QTGAL: variants seen among roughly 807,000 people sequenced by gnomAD.
The protein encoded by QTGAL is queuosine-tRNA galactosyltransferase.
the QTGAL span, among the ~76,000 whole-genome samples, chr17:82,987,051 C>A: frequency 6.6e-6 from 1 of 152,176 alleles, no homozygotes; most frequent in African/African-American, 2.4e-5. Flanking sequence ...ATGTTGAAAT[C>A]CTGAAAGATC....
chr17:83,008,176 G>A, the QTGAL span, among the ~76,000 whole-genome samples: 2 of 151,524 alleles, frequency 1.3e-5, no homozygotes, highest in Non-Finnish European at 3.0e-5. Flanking sequence ...CCTAGCACAG[G>A]GCCTGGACCC....
chr17:83,025,164 G>A, the QTGAL span, among the ~76,000 whole-genome samples: 2 of 100,048 alleles, frequency 2.0e-5, no homozygotes, highest in Admixed American at 9.6e-5. Context: ...CACAGACACC[G>A]CGGAGTCCAC....
the QTGAL span, among the ~76,000 whole-genome samples, chr17:83,013,498 C>T: frequency 6.7e-6 from 1 of 148,158 alleles, no homozygotes; most frequent in Non-Finnish European, 1.5e-5. Flanking sequence ...CCCAGCACAC[C>T]CGTCCTGCCC....
chr17:82,970,082 C>T, the QTGAL span, among the ~76,000 whole-genome samples: 2 of 152,234 alleles, frequency 1.3e-5, no homozygotes, highest in African/African-American at 2.4e-5. Context: ...GAGCAACCTA[C>T]GTTTCGCACA....
At chr17:82,976,021 C>A in the QTGAL span, among the ~76,000 whole-genome samples, 2 of 83,364 alleles carry the variant, frequency 2.4e-5, no homozygotes. Flanking sequence ...TTATGGGGAA[C>A]GAGGGCCCCG....
chr17:82,969,503 C>T, the QTGAL span, among the ~76,000 whole-genome samples: 4 of 152,238 alleles, frequency 2.6e-5, no homozygotes, highest in East Asian at 3.9e-4. Context: ...GCCACTGCCC[C>T]GGCCTAAGTA....
At chr17:83,001,696 A>G in the QTGAL span, among the ~76,000 whole-genome samples, 6 of 152,216 alleles carry the variant, frequency 3.9e-5, no homozygotes, top group Admixed American at 2.6e-4. Context: ...TTGCAGTAAC[A>G]TCGTTTTTTC....
chr17:83,004,850 C>T, the QTGAL span, among the ~76,000 whole-genome samples: 1 of 152,354 alleles, frequency 6.6e-6, no homozygotes, highest in East Asian at 1.9e-4. Context: ...CCGCCCTCCG[C>T]GTGTAAGTGG....
the QTGAL span, among the ~76,000 whole-genome samples, chr17:82,998,719 T>C: frequency 6.6e-6 from 1 of 152,160 alleles, no homozygotes; most frequent in South Asian, 2.1e-4. Context: ...TCAGAAAACA[T>C]ATTTACAAAG....
chr17:83,038,585 G>T, the QTGAL span, among the ~76,000 whole-genome samples: 1 of 152,140 alleles, frequency 6.6e-6, no homozygotes, highest in Admixed American at 6.5e-5. Flanking sequence ...TAGGCCGGGC[G>T]CAGTGTTTCA....
the QTGAL span, among the ~76,000 whole-genome samples, chr17:83,051,165 G>C: frequency 1.2e-4 from 17 of 140,898 alleles, no homozygotes; most frequent in African/African-American, 4.0e-4. Flanking sequence ...GTGTGCGGGG[G>C]CGGGGCAGGT....
chr17:83,039,995 G>A, the QTGAL span, among the ~76,000 whole-genome samples: 20 of 152,262 alleles, frequency 1.3e-4, no homozygotes, highest in Admixed American at 7.2e-4. Context: ...ACCCTCAGCC[G>A]CTTGCCCTTG....
the QTGAL span, among the ~76,000 whole-genome samples, chr17:82,953,196 C>T: frequency 1.3e-5 from 2 of 151,996 alleles, no homozygotes; most frequent in Non-Finnish European, 2.9e-5. Context: ...CAGAGCAGAA[C>T]TGAAGGAGAT....
chr17:83,047,129 C>A, the QTGAL span, among the ~76,000 whole-genome samples: 3 of 152,216 alleles, frequency 2.0e-5, no homozygotes, highest in Non-Finnish European at 4.4e-5. Context: ...GTTCTGGAGC[C>A]TGGGAAATCC....
the QTGAL span, among the ~76,000 whole-genome samples, chr17:83,020,882 CAG>C: frequency 2.6e-5 from 4 of 152,018 alleles, no homozygotes; most frequent in Non-Finnish European, 1.5e-5. Flanking sequence ...TTGGGGAAGA[CAG>C]AGAGAGAGAT....
At chr17:83,048,147 C>G in the QTGAL span, among the ~76,000 whole-genome samples, 1 of 152,180 alleles carries the variant, frequency 6.6e-6, no homozygotes, top group Non-Finnish European at 1.5e-5. Flanking sequence ...ATGCTTCAGC[C>G]TCCCAAGTAG....
chr17:83,017,993 T>C, the QTGAL span, among the ~76,000 whole-genome samples: 1 of 140,376 alleles, frequency 7.1e-6, no homozygotes, highest in Non-Finnish European at 1.5e-5. Context: ...GTACCACACG[T>C]GCTCCGTGAA....
chr17:83,006,525 T>A, the QTGAL span: 1 of 985,414 alleles, frequency 1.0e-6, no homozygotes, highest in Non-Finnish European at 1.2e-6. This position sits in a 1 kb window ranked among gnomAD's most constrained non-coding sequence, Gnocchi z 5.8. Flanking sequence ...GAGAGGGACA[T>A]GATGGAGTCC....
chr17:83,044,960 A>G, the QTGAL span, among the ~76,000 whole-genome samples: 2 of 150,312 alleles, frequency 1.3e-5, no homozygotes, highest in Non-Finnish European at 1.5e-5. Flanking sequence ...AAAAAAAAAG[A>G]AAGAATCTAA....
Sources: allele counts gnomAD v4.1 joint callset (sites outside exome capture counted in the v4.1 genomes callset), GRCh38; gene constraint gnomAD v4.1.1; non-coding constraint Gnocchi (gnomAD v3.1); transcripts MANE v1.5; gene names NCBI Gene and HGNC (gene_info 2026-07-23, HGNC 2026-07-21).